EPS8L3: variants seen among roughly 807,000 people sequenced by gnomAD.
EPS8L3 encodes epidermal growth factor receptor kinase substrate 8-like protein 3.
In EPS8L3, 80 loss-of-function variants were observed where a neutral mutation model predicts 88.5. That is an observed-to-expected ratio of 0.90 (90% confidence interval 0.75 to 1.09). The LOEUF (loss-of-function observed/expected upper bound fraction) is 1.09, where lower values mean the gene tolerates loss of function less well. Among genes scored for constraint, EPS8L3 ranks in the 50% least tolerant of loss-of-function variants. The pLI is 0.00. For missense variants in EPS8L3, 721 were observed against 735.2 expected (o/e 0.98, Z 0.22); for synonymous variants, 286 against 291.0 (o/e 0.98, Z 0.18).
rs147423638 is a variant in EPS8L3, at chr1:109,757,162, G to A, written c.973C>T (p.Leu325=). 3.1e-4 allele frequency: 500 copies of A among 1,606,766 alleles called. 2 individuals are homozygous for A. In the African/African-American group the frequency reaches 5.9e-3, roughly 19 times the overall value. ...HILFKSLNFI[L]ARCPEAGLAA... The stretch of plus-strand genomic sequence containing the variant: ...AGGCCAGCCTCAGGGCACCTGGCCA[G>A]GATCTAGGGGAGAGATGGAAGGTGT... Residue 325 remains leucine (L), a synonymous_variant, in exon 12 of 19, where the codon CTG becomes TTG. Coordinates refer to ENST00000361965, the MANE Select transcript of EPS8L3 (RefSeq NM_133181.4).
In EPS8L3 at chr1:109,759,367, G is replaced by A. The variant is rs892791387; in HGVS notation, c.276C>T (p.Arg92=). The change falls in exon 5 of 19, where the codon CGC becomes CGT. Residue 92 remains arginine (R), a synonymous_variant. Transcript: ENST00000361965. The surrounding 1 kb of genome is among the most constrained non-coding windows in gnomAD (Gnocchi z 4.2). Reference sequence around the variant, plus strand: ...CATTCATGGCCTGGATGCTGTCTAGGCGGTAAGAGTCCAGCTCCTCCTGGG... The same window carrying A: ...CATTCATGGCCTGGATGCTGTCTAGACGGTAAGAGTCCAGCTCCTCCTGGG... ...IETKEELDSY[R]LDSIQAMNVA... is the part of the protein sequence containing the mutation. 1.1e-5 allele frequency: 18 copies of A among 1,614,128 alleles called. 1 individual carries two copies. The Middle Eastern group carries it at 6.6e-4, about 59-fold the overall frequency.
intron 12 of EPS8L3, among the ~76,000 whole-genome samples, chr1:109,755,349 G>A (rs984810050): frequency 4.6e-5 from 7 of 152,130 alleles, no homozygotes; most frequent in Admixed American, 2.6e-4. Flanking sequence ...GTTAATGAAC[G>A]TATTGCCACT....
intron 14 of EPS8L3, chr1:109,752,433 C>G (rs1180019085): frequency 1.7e-6 from 1 of 605,632 alleles, no homozygotes; most frequent in Non-Finnish European, 2.9e-6. Context: ...GAGTTCTGCC[C>G]TAAGCACTTT....
chr1:109,761,455 G>A (rs567052407), intron 3 of EPS8L3, 40 bp downstream of exon 3: 7 of 1,574,800 alleles, frequency 4.4e-6, no homozygotes, highest in South Asian at 1.1e-5. Context: ...GAACACTTGG[G>A]TTTAGTTGGA....
chr1:109,751,455 CT>C (rs10706652), intron 16 of EPS8L3, 104 bp from the exon 17 acceptor site: 45,553 of 1,395,364 alleles, frequency 0.033, 964 homozygotes, highest in African/African-American at 0.069. Flanking sequence ...AATCACTTCT[CT>C]TACTCTGTGG....
chr1:109,759,382 C>T lies in EPS8L3; in HGVS notation c.261G>A (p.Glu87=), dbSNP rs1039215213. Residue 87 remains glutamate, a synonymous_variant, in exon 5 of 19, where the codon GAG becomes GAA. Transcript: ENST00000361965. The surrounding 1 kb of genome is among the most constrained non-coding windows in gnomAD (Gnocchi z 4.2). ...TGCTGTCTAGGCGGTAAGAGTCCAG[C>T]TCCTCCTGGGCCAGGTGGAGAGGTC... The part of the protein sequence containing the change: ...LQLLDIETKE[E]LDSYRLDSIQ... The T allele has an allele frequency of 1.9e-6, 3 of 1,613,640 alleles. No individual in the cohort carries two copies. Among genetic ancestry groups the T allele is most frequent in the Non-Finnish European group, 2.5e-6 (3 of 1,179,758 alleles).
chr1:109,756,869 A>C, intron 12 of EPS8L3, 148 bp downstream of exon 12: 1 of 951,342 alleles, frequency 1.1e-6, no homozygotes, highest in Non-Finnish European at 1.6e-6. Context: ...TAGACAAATA[A>C]AAAGTTGGGA....
chr1:109,756,123 A>G (rs962074377), intron 12 of EPS8L3, among the ~76,000 whole-genome samples: 10 of 152,194 alleles, frequency 6.6e-5, no homozygotes, highest in African/African-American at 9.6e-5. Flanking sequence ...ACATCTGGGC[A>G]TCCCCTCTCA....
At chr1:109,755,321 G>A (rs976192296) in intron 12 of EPS8L3, among the ~76,000 whole-genome samples, 2 of 152,192 alleles carry the variant, frequency 1.3e-5, no homozygotes, top group Non-Finnish European at 2.9e-5. Flanking sequence ...GTAGATAATG[G>A]TGTTGGTGGC....
intron 3 of EPS8L3, among the ~76,000 whole-genome samples, chr1:109,760,320 G>A (rs1332192010): frequency 2.0e-5 from 3 of 152,110 alleles, no homozygotes; most frequent in Non-Finnish European, 2.9e-5. Flanking sequence ...TATCCATCGT[G>A]ATCTCAGTCT....
chr1:109,751,660 G>C lies in EPS8L3; in HGVS notation c.1557C>G (p.Pro519=). ...AGTCCAGGCTGGGTAGTACCCGAGA[G>C]GGTGACTGGCCCTGGGTCCCAGGGG... ...PGTPGTQGQS[P]SRVPMLRLSS... Residue 519 remains proline, a synonymous_variant, in exon 16 of 19, where the codon CCC becomes CCG. Coordinates refer to ENST00000361965, the MANE Select transcript of EPS8L3 (RefSeq NM_133181.4). 1 of 1,613,980 alleles carries C rather than the reference G, an allele frequency of 6.2e-7. No homozygotes were observed. Among genetic ancestry groups the C allele is most frequent in the Non-Finnish European group, 8.5e-7 (1 of 1,180,000 alleles).
At chr1:109,763,653 C>G (rs920090024) in intron 1 of EPS8L3, among the ~76,000 whole-genome samples, 169 bp downstream of exon 1, 3 of 152,206 alleles carry the variant, frequency 2.0e-5, no homozygotes, top group Non-Finnish European at 2.9e-5. Context: ...CTTTCCAGCC[C>G]ACCAGCCAGC....
intron 15 of EPS8L3, 37 bp downstream of exon 15, chr1:109,751,955 AACC>A: frequency 1.9e-6 from 3 of 1,566,026 alleles, no homozygotes; most frequent in Non-Finnish European, 2.6e-6. Context: ...AGCTCCCACC[AACC>A]ACCACCTCCT....
At chr1:109,761,632 A>G (rs1650967038) in intron 2 of EPS8L3, 73 bp from the exon 3 acceptor site, 1 of 1,604,950 alleles carries the variant, frequency 6.2e-7, no homozygotes, top group African/African-American at 1.3e-5. Context: ...TGCTGGGGGC[A>G]GTTGGTGTGA....
chr1:109,753,205 A>T lies in EPS8L3; in HGVS notation c.1119-7T>A. On this transcript the variant is annotated splice_region_variant and splice_polypyrimidine_tract_variant and intron_variant, in intron 12 of 18. Coordinates refer to ENST00000361965, the MANE Select transcript of EPS8L3 (RefSeq NM_133181.4). ...ATCGCCTGTCCAGTCGGCCCTGAAG[A>T]GGGAAACAAAGCTGAGTTCACATCC... 1 of 1,598,262 alleles carries T rather than the reference A, an allele frequency of 6.3e-7. No individual in the cohort carries two copies. Among genetic ancestry groups the T allele is most frequent in the Non-Finnish European group, 8.5e-7 (1 of 1,171,694 alleles).
chr1:109,751,338 C>T lies in EPS8L3; in HGVS notation c.1577G>A (p.Arg526Gln), dbSNP rs775495257. Residue 526 changes from arginine to glutamine, a missense_variant, in exon 17 of 19, where the codon CGA becomes CAA. Physicochemically the swap from Arg to Gln is conservative, Grantham distance 43. Transcript: ENST00000361965. ...GQSPSRVPML[R>Q]LSSRPEEVTD... The stretch of plus-strand genomic sequence containing the variant: ...GACCTCTTCAGGCCTCGAGCTAAGT[C>T]GAAGCATTGGAACCTAGAATCAGGG... 15 of 1,613,576 alleles carry T rather than the reference C, an allele frequency of 9.3e-6. No homozygotes were observed. The highest frequency in any genetic ancestry group is 2.7e-5 in the African/African-American group (2 of 74,894).
rs775916506 is a variant in EPS8L3 at position 109,751,695 on chromosome 1, G to A, written c.1522C>T (p.Gln508Ter). 20 of 1,613,810 alleles carry A rather than the reference G, an allele frequency of 1.2e-5. No homozygotes were observed. The highest frequency in any genetic ancestry group is 3.3e-5 in the South Asian group (3 of 91,078). ...YIPSNILEPL[Q>*]PGTPGTQGQS... ...CCCTGGGTCCCAGGGGTCCCCGGCT[G>A]TAGGGGCTCCAGGATGTTGCTTGGA... is the stretch of plus-strand genomic sequence containing the variant. Residue 508 changes from glutamine (Q) to a stop codon, truncating the protein, a stop_gained, in exon 16 of 19, where the codon CAG becomes TAG. Transcript: ENST00000361965. LOFTEE classifies it high-confidence loss of function.
chr1:109,752,987 G>T, intron 13 of EPS8L3, 130 bp downstream of exon 13: 1 of 842,822 alleles, frequency 1.2e-6, no homozygotes, highest in Non-Finnish European at 1.9e-6. Flanking sequence ...TGACTTTTGG[G>T]TTTCCATGGA....
rs765081787 is a variant in EPS8L3 at position 109,751,301 on chromosome 1, C to A, written c.1614G>T (p.Leu538=). 1.9e-6 allele frequency: 3 copies of A among 1,613,818 alleles called. No individual in the cohort carries two copies. Among genetic ancestry groups the A allele is most frequent in the Middle Eastern group, 1.6e-4 (1 of 6,084 alleles). Residue 538 remains leucine (L), a synonymous_variant, in exon 17 of 19, where the codon CTG becomes CTT. Coordinates refer to ENST00000361965, the MANE Select transcript of EPS8L3 (RefSeq NM_133181.4). The part of the protein sequence containing the change: ...SSRPEEVTDW[L]QAENFSTATV... ...ACGCAGTGGAGAAGTTCTCTGCCTG[C>A]AGCCAGTCTGTGACCTCTTCAGGCC...
Sources: gnomAD v4.1 joint callset for allele counts (sites outside exome capture counted in the v4.1 genomes callset) on GRCh38, gnomAD v4.1.1 for gene constraint, Gnocchi (gnomAD v3.1) non-coding constraint, MANE v1.5 for transcripts, NCBI Gene and HGNC (gene_info 2026-07-23, HGNC 2026-07-21) for gene names.